Variants in WWOX observed in about 807,000 individuals in gnomAD.
WWOX encodes the protein WW domain-containing oxidoreductase.
In WWOX, 69 loss-of-function variants were observed where a neutral mutation model predicts 46.2. The observed-to-expected ratio is 1.49, with a 90% CI of 1.23 to 1.82. The LOEUF is 1.82. WWOX is among the 40% of genes most tolerant of loss of function. The probability of loss-of-function intolerance (pLI) is 0.00; values close to 1 mark genes in which losing one functional copy is unlikely to be tolerated. For synonymous variants in WWOX, 359 were observed against 202.6 expected, an observed-to-expected ratio of 1.77 and a Z score of -6.56; for missense variants, 919 against 542.6, an observed-to-expected ratio of 1.69 and a Z score of -6.89.
rs755512767 is a variant in WWOX, at chr16:79,096,019, T to TTTTGG, written c.1057-115586_1057-115585insGGTTT. ...CATGCGCTGCCACACCCGGATAATTTTTTTTTTTTTTTTTTTTTTGGTATT... is the reference window on the plus strand; with the variant it reads ...CATGCGCTGCCACACCCGGATAATTTTTTGGTTTTTTTTTTTTTTTTTTTGGTATT... On this transcript the variant is annotated intron_variant, in intron 8 of 8. Coordinates refer to ENST00000566780, the MANE Select transcript of WWOX (RefSeq NM_016373.4). Among the ~76,000 whole-genome samples the TTTTGG allele has an allele frequency of 2.8e-4, 34 of 122,194 alleles. 1 individual carries two copies. The Middle Eastern group carries it at 0.013, about 45-fold the overall frequency. The allele number at this position is 122,194 out of a possible 152,430, so 80.2% of individuals were successfully genotyped here. A position where few individuals can be genotyped will look rare whatever the true frequency, so the allele number is the denominator to read the frequency against.
At chr16:78,294,158 G>T (rs2079905350) in intron 5 of WWOX, among the ~76,000 whole-genome samples, 1 of 151,884 alleles carries the variant, frequency 6.6e-6, no homozygotes, top group Non-Finnish European at 1.5e-5. Context: ...CCTTGTCTGG[G>T]TTGCTCAGAT....
chr16:78,103,574 T>C (rs531296746), intron 1 of WWOX, among the ~76,000 whole-genome samples: 2 of 152,190 alleles, frequency 1.3e-5, no homozygotes, highest in Non-Finnish European at 1.5e-5. Context: ...AACCCGACAT[T>C]CCCTTGATCT....
At chr16:78,486,564 T>A (rs1028035815) in intron 8 of WWOX, among the ~76,000 whole-genome samples, 10 of 147,620 alleles carry the variant, frequency 6.8e-5, no homozygotes, top group Non-Finnish European at 1.5e-4. Context: ...CTTCCAGTTT[T>A]GTTTTGTTTT....
At chr16:78,103,385 C>A (rs774644244) in intron 1 of WWOX, among the ~76,000 whole-genome samples, 2 of 152,048 alleles carry the variant, frequency 1.3e-5, no homozygotes, top group Non-Finnish European at 1.5e-5. Flanking sequence ...TGTTCAGCCC[C>A]CCGTGCATTA....
At chr16:78,437,790 T>C (rs977479770) in intron 8 of WWOX, among the ~76,000 whole-genome samples, 2 of 152,246 alleles carry the variant, frequency 1.3e-5, no homozygotes, top group African/African-American at 2.4e-5. Flanking sequence ...CTGAGTACTT[T>C]CTAATAATGA....
chr16:79,150,877 T>G (rs192382691), intron 8 of WWOX, among the ~76,000 whole-genome samples: 6 of 152,218 alleles, frequency 3.9e-5, no homozygotes, highest in Admixed American at 3.3e-4. Context: ...CCAAATAAAA[T>G]ACATCCGCAG....
intron 4 of WWOX, among the ~76,000 whole-genome samples, chr16:78,124,509 CCTT>C (rs2033271542): frequency 6.6e-6 from 1 of 152,088 alleles, no homozygotes; most frequent in Non-Finnish European, 1.5e-5. Context: ...CACTAGGAGG[CCTT>C]CTTGGAAAGA....
intron 8 of WWOX, among the ~76,000 whole-genome samples, chr16:79,190,143 G>C (rs932568311): frequency 1.3e-5 from 2 of 152,034 alleles, no homozygotes; most frequent in Admixed American, 6.6e-5. Flanking sequence ...TTCTGCCTCA[G>C]CCTCCCGAGT....
intron 8 of WWOX, among the ~76,000 whole-genome samples, chr16:79,085,040 C>G (rs540356187): frequency 1.7e-4 from 25 of 146,876 alleles, no homozygotes; most frequent in Non-Finnish European, 1.5e-5. Context: ...ATCCTCCCGC[C>G]TCAGCCTCCC....
intron 8 of WWOX, among the ~76,000 whole-genome samples, chr16:79,180,692 C>G (rs990525179): frequency 1.3e-5 from 2 of 152,138 alleles, no homozygotes; most frequent in African/African-American, 4.8e-5. Context: ...CTCCCTCCCT[C>G]CCTCCATTTC....
At chr16:78,306,341 G>T (rs2080134789) in intron 5 of WWOX, among the ~76,000 whole-genome samples, 1 of 152,088 alleles carries the variant, frequency 6.6e-6, no homozygotes, top group Admixed American at 6.5e-5. Flanking sequence ...TCCATGGGTT[G>T]TTATGTGTTA....
intron 8 of WWOX, among the ~76,000 whole-genome samples, chr16:78,818,588 G>A (rs2051406605): frequency 6.6e-6 from 1 of 152,184 alleles, no homozygotes; most frequent in African/African-American, 2.4e-5. Context: ...AAAATCGGCT[G>A]GGCATGGTGG....
At chr16:79,028,877 TCA>T (rs1427610639) in intron 8 of WWOX, among the ~76,000 whole-genome samples, 4 of 146,256 alleles carry the variant, frequency 2.7e-5, no homozygotes, top group Non-Finnish European at 6.0e-5. Flanking sequence ...AGAGATCACT[TCA>T]CAGTTTCCTG....
intron 5 of WWOX, among the ~76,000 whole-genome samples, chr16:78,379,046 C>T (rs950181320): frequency 6.6e-6 from 1 of 152,110 alleles, no homozygotes; most frequent in African/African-American, 2.4e-5. Flanking sequence ...ACTAGCTTGG[C>T]CACTGTCACG....
chr16:78,103,647 C>T (rs1189872581), intron 1 of WWOX, among the ~76,000 whole-genome samples: 1 of 152,168 alleles, frequency 6.6e-6, no homozygotes, highest in East Asian at 1.9e-4. Context: ...GCGCTGGCTC[C>T]AACCCCTTTT....
intron 5 of WWOX, among the ~76,000 whole-genome samples, chr16:78,369,945 C>A (rs2081630494): frequency 6.6e-6 from 1 of 151,892 alleles, no homozygotes; most frequent in Non-Finnish European, 1.5e-5. Context: ...CCAGCCTGGC[C>A]AACATGGTGA....
chr16:78,200,209 C>T (rs1408149308), intron 5 of WWOX, among the ~76,000 whole-genome samples: 1 of 152,082 alleles, frequency 6.6e-6, no homozygotes, highest in African/African-American at 2.4e-5. Flanking sequence ...ACCCTGATCT[C>T]CTCTGCACGT....
intron 5 of WWOX, among the ~76,000 whole-genome samples, chr16:78,331,163 G>C (rs996521171): frequency 2.0e-5 from 3 of 152,072 alleles, no homozygotes; most frequent in African/African-American, 7.2e-5. Flanking sequence ...TCTGTAATTT[G>C]GAACGGCTTT....
intron 4 of WWOX, among the ~76,000 whole-genome samples, chr16:78,132,735 G>C (rs35327952): frequency 6.6e-6 from 1 of 152,090 alleles, no homozygotes; most frequent in Admixed American, 6.5e-5. Flanking sequence ...CTTTGCTCCT[G>C]TTACGACTTA....
Sources: gnomAD v4.1 joint callset for allele counts (sites outside exome capture counted in the v4.1 genomes callset) on GRCh38, gnomAD v4.1.1 for gene constraint, MANE v1.5 for transcripts, NCBI Gene and HGNC (gene_info 2026-07-23, HGNC 2026-07-21) for gene names.